The following TENM3 variants were observed in gnomAD, a reference collection of about 807,000 sequenced individuals.
The protein encoded by TENM3 is teneurin transmembrane protein 3.
In TENM3, 63 loss-of-function variants were observed where a neutral mutation model predicts 255.1. The ratio of observed to expected loss-of-function variants is 0.25; its 90% CI spans 0.20 to 0.30. The LOEUF (loss-of-function observed/expected upper bound fraction) is 0.30, where lower values mean the gene tolerates loss of function less well. Ranked by LOEUF, TENM3 falls within the 10% of genes least tolerant of loss-of-function variation. The pLI, the probability that TENM3 is intolerant of heterozygous loss-of-function variation, is 1.00. For synonymous variants in TENM3, 1,306 were observed against 1,322.3 expected, an observed-to-expected ratio of 0.99 and a Z score of 0.27; for missense variants, 2,929 against 3,461.1, an observed-to-expected ratio of 0.85 and a Z score of 3.86.
At chr4:182,741,543 C>T (rs529443073) in intron 18 of TENM3, among the ~76,000 whole-genome samples, 84 of 152,222 alleles carry the variant, frequency 5.5e-4, no homozygotes, top group Admixed American at 1.5e-3. Flanking sequence ...TGTTGTAGAG[C>T]GGTAGTCTGA....
At chr4:182,684,532 T>C (rs1579106628) in intron 11 of TENM3, among the ~76,000 whole-genome samples, 1 of 151,964 alleles carries the variant, frequency 6.6e-6, no homozygotes, top group South Asian at 2.1e-4. Context: ...TCTTTATATG[T>C]AAAATGGAGA....
At chr4:181,663,515 A>C in the TENM3 span, among the ~76,000 whole-genome samples, 17 of 152,232 alleles carry the variant, frequency 1.1e-4, no homozygotes, top group Non-Finnish European at 2.2e-4. Flanking sequence ...AAAATATTAC[A>C]GTTTGGTTAA....
intron 1 of TENM3, among the ~76,000 whole-genome samples, chr4:182,148,304 C>A (rs183608717): frequency 6.6e-6 from 1 of 152,126 alleles, no homozygotes; most frequent in Non-Finnish European, 1.5e-5. Context: ...ACTTCTCCAT[C>A]TTGAAAAGTC....
chr4:182,129,744 A>G, the TENM3 span, among the ~76,000 whole-genome samples: 20 of 152,292 alleles, frequency 1.3e-4, 1 homozygote, highest in Middle Eastern at 0.014. Context: ...AAAAGTATGC[A>G]TTAGGTAAAT....
the TENM3 span, among the ~76,000 whole-genome samples, chr4:181,545,771 C>T: frequency 2.6e-5 from 4 of 152,120 alleles, no homozygotes; most frequent in Non-Finnish European, 4.4e-5. Context: ...AGAAATTCAG[C>T]ATGTGTAAAT....
At chr4:182,645,850 T>G (rs1209388022) in intron 5 of TENM3, among the ~76,000 whole-genome samples, 1 of 152,240 alleles carries the variant, frequency 6.6e-6, no homozygotes, top group Non-Finnish European at 1.5e-5. Context: ...TTCTGCCATA[T>G]GCTTTCCATT....
chr4:181,678,998 C>T, the TENM3 span, among the ~76,000 whole-genome samples: 2 of 152,030 alleles, frequency 1.3e-5, no homozygotes, highest in African/African-American at 4.8e-5. Flanking sequence ...CTAAATATGG[C>T]CCAGGGACTC....
rs780908155 is a variant in TENM3, at chr4:182,517,379, CTTTTTT to C, written c.512-83528_512-83523del. On this transcript the variant is annotated intron_variant, in intron 3 of 27. Coordinates refer to ENST00000511685, the MANE Select transcript of TENM3 (RefSeq NM_001080477.4). ...GGTTTAAAAAAAAACAAAGTTCATT[CTTTTTT>C]TTTTTTTTTTTTTTTTGAGACGGAG... 1.1e-3 allele frequency among the ~76,000 whole-genome samples: 101 copies of C among 89,410 alleles called. 2 individuals are homozygous for C. Among genetic ancestry groups the C allele is most frequent in the Non-Finnish European group, 1.7e-3 (80 of 46,712 alleles). The allele number at this position is 89,410 out of a possible 152,430, so 58.7% of individuals were successfully genotyped here.
intron 2 of TENM3, among the ~76,000 whole-genome samples, chr4:182,343,724 G>C (rs1313674279): frequency 2.0e-5 from 3 of 149,948 alleles, no homozygotes; most frequent in Non-Finnish European, 4.4e-5. Context: ...CAAAACTGCA[G>C]ATGTTTTCCA....
intron 3 of TENM3, among the ~76,000 whole-genome samples, chr4:182,473,541 C>T (rs1356804790): frequency 2.6e-5 from 4 of 152,014 alleles, no homozygotes; most frequent in Non-Finnish European, 5.9e-5. Context: ...GGCGTGGTGG[C>T]GGGTGCCTGT....
intron 3 of TENM3, among the ~76,000 whole-genome samples, chr4:182,405,801 T>A (rs1044494643): frequency 6.6e-6 from 1 of 152,074 alleles, no homozygotes; most frequent in Non-Finnish European, 1.5e-5. Context: ...AGGGAAGGCA[T>A]ATTTGCTTCA....
chr4:181,488,489 A>T, the TENM3 span, among the ~76,000 whole-genome samples: 1 of 152,160 alleles, frequency 6.6e-6, no homozygotes, highest in East Asian at 1.9e-4. Flanking sequence ...AATCAGCAGT[A>T]CTTATAATTT....
chr4:181,654,424 G>A, the TENM3 span, among the ~76,000 whole-genome samples: 6 of 152,068 alleles, frequency 3.9e-5, no homozygotes, highest in African/African-American at 1.2e-4. Flanking sequence ...ATGGCATGAT[G>A]TATTTATTTG....
the TENM3 span, among the ~76,000 whole-genome samples, chr4:181,589,374 A>T: frequency 6.6e-6 from 1 of 152,200 alleles, no homozygotes; most frequent in South Asian, 2.1e-4. Context: ...CCCTTATGCT[A>T]TGTTTAATAT....
At chr4:182,022,873 C>T in the TENM3 span, among the ~76,000 whole-genome samples, 6 of 152,234 alleles carry the variant, frequency 3.9e-5, no homozygotes, top group East Asian at 5.8e-4. Context: ...ATCCACCACC[C>T]AAACCAGTTT....
At chr4:181,681,748 AT>A in the TENM3 span, among the ~76,000 whole-genome samples, 11 of 133,444 alleles carry the variant, frequency 8.2e-5, no homozygotes, top group South Asian at 1.1e-3. Flanking sequence ...AGACTCAGCT[AT>A]TTTTTTTTCC....
chr4:182,288,455 G>C (rs758200979), intron 1 of TENM3, among the ~76,000 whole-genome samples: 14 of 152,160 alleles, frequency 9.2e-5, no homozygotes, highest in Non-Finnish European at 1.8e-4. Flanking sequence ...TTTCACGTAA[G>C]TTCCTCTAGG....
chr4:182,027,318 T>G, the TENM3 span, among the ~76,000 whole-genome samples: 1 of 152,200 alleles, frequency 6.6e-6, no homozygotes, highest in Admixed American at 6.5e-5. Flanking sequence ...TTTTGTATGT[T>G]GATTTTGTAT....
At chr4:182,087,208 G>A in the TENM3 span, among the ~76,000 whole-genome samples, 7 of 152,132 alleles carry the variant, frequency 4.6e-5, no homozygotes, top group Non-Finnish European at 7.3e-5. Context: ...GAATTCAAAG[G>A]ATGCAAGTAA....
Sources: allele counts gnomAD v4.1 joint callset (sites outside exome capture counted in the v4.1 genomes callset), GRCh38; gene constraint gnomAD v4.1.1; transcripts MANE v1.5; gene names NCBI Gene and HGNC (gene_info 2026-07-23, HGNC 2026-07-21).